The following RGPD2 variants were observed in gnomAD, a reference collection of about 807,000 sequenced individuals.
RGPD2 encodes the protein RANBP2 like and GRIP domain containing 2.
RGPD2 carries 2 observed loss-of-function variants against 36.0 expected under a neutral mutation model. The observed-to-expected ratio is 0.06, with a 90% CI of 0.02 to 0.17. RGPD2 has a LOEUF of 0.17. Among genes scored for constraint, RGPD2 ranks in the 10% least tolerant of loss-of-function variants. The probability of loss-of-function intolerance (pLI) is 1.00; values close to 1 mark genes in which losing one functional copy is unlikely to be tolerated. For missense variants in RGPD2, 40 were observed against 464.3 expected (o/e 0.09, Z 8.40); for synonymous variants, 19 against 163.8 (o/e 0.12, Z 6.75).
chr2:87,892,361 T>C, the RGPD2 span, among the ~76,000 whole-genome samples: 2 of 151,944 alleles, frequency 1.3e-5, no homozygotes, highest in Non-Finnish European at 2.9e-5. Context: ...CCTGGACTGG[T>C]AGTGCCCTGG....
the RGPD2 span, among the ~76,000 whole-genome samples, chr2:87,836,210 T>C: frequency 7.2e-6 from 1 of 138,484 alleles, no homozygotes; most frequent in Non-Finnish European, 1.6e-5. Flanking sequence ...AGAAAAAATA[T>C]TAGTGGGAAC....
the RGPD2 span, among the ~76,000 whole-genome samples, chr2:87,872,297 A>T: frequency 1.3e-5 from 2 of 152,190 alleles, no homozygotes; most frequent in Admixed American, 1.3e-4. Context: ...TAATTAGAAG[A>T]TGTGTTAGGA....
intron 1 of RGPD2, among the ~76,000 whole-genome samples, 160 bp downstream of exon 1, chr2:87,825,493 CGGCCG>C (rs1686717874): frequency 2.9e-5 from 2 of 69,108 alleles, no homozygotes; most frequent in South Asian, 5.7e-4. Flanking sequence ...CGCCGCCGCC[CGGCCG>C]AGGCCGAGGC....
At chr2:87,988,524 A>AATAT in the RGPD2 span, among the ~76,000 whole-genome samples, 167 of 42,850 alleles carry the variant, frequency 3.9e-3, 5 homozygotes, top group African/African-American at 7.4e-3. Flanking sequence ...TATACATATA[A>AATAT]ATATATATAT....
At chr2:87,827,383 G>A (rs565865818), upstream of RGPD2, among the ~76,000 whole-genome samples, 40 of 151,774 alleles carry the variant, frequency 2.6e-4, no homozygotes, top group African/African-American at 9.4e-4. Flanking sequence ...GATAACCTGG[G>A]TTCAAATTCC....
the RGPD2 span, among the ~76,000 whole-genome samples, chr2:87,947,013 CT>C: frequency 1.7e-3 from 201 of 120,034 alleles, no homozygotes; most frequent in African/African-American, 6.5e-3. Context: ...TTGCAATGAA[CT>C]TTCTTCATTT....
At chr2:87,935,311 T>A in the RGPD2 span, among the ~76,000 whole-genome samples, 1 of 150,870 alleles carries the variant, frequency 6.6e-6, no homozygotes, top group Non-Finnish European at 1.5e-5. Context: ...AAGAGAGTAT[T>A]CCATGAAAAA....
the RGPD2 span, among the ~76,000 whole-genome samples, chr2:87,887,072 TTAAG>T: frequency 6.6e-6 from 1 of 151,864 alleles, no homozygotes; most frequent in Non-Finnish European, 1.5e-5. Context: ...TGCATATTCT[TTAAG>T]TGTCAGTCAA....
the RGPD2 span, chr2:87,968,757 G>C: frequency 4.6e-6 from 1 of 218,142 alleles, no homozygotes; most frequent in Non-Finnish European, 9.1e-6. Context: ...AACTGCCGAG[G>C]GCTCATCGAA....
intron 22 of RGPD2, chr2:87,771,438 G>A (rs1442892469): frequency 8.6e-4 from 30 of 34,786 alleles, no homozygotes; most frequent in African/African-American, 3.0e-3. Context: ...TCGCTCTGCC[G>A]TCAGGCTGGA....
At chr2:87,863,765 C>G in the RGPD2 span, among the ~76,000 whole-genome samples, 1 of 151,768 alleles carries the variant, frequency 6.6e-6, no homozygotes, top group Non-Finnish European at 1.5e-5. Context: ...TTTATTTTCT[C>G]TGTTATTCTA....
At chr2:87,939,461 A>G in the RGPD2 span, among the ~76,000 whole-genome samples, 1 of 152,084 alleles carries the variant, frequency 6.6e-6, no homozygotes, top group African/African-American at 2.4e-5. Flanking sequence ...TGTGAACACT[A>G]TCAGGGTCAC....
the RGPD2 span, among the ~76,000 whole-genome samples, chr2:87,882,204 T>C: frequency 1.3e-5 from 2 of 152,174 alleles, no homozygotes; most frequent in East Asian, 1.9e-4. Flanking sequence ...TTTTTTTTTC[T>C]GTTTTACTCT....
chr2:87,989,235 AT>A, the RGPD2 span: 1 of 261,036 alleles, frequency 3.8e-6, no homozygotes, highest in Non-Finnish European at 6.9e-6. Context: ...TGTCTTAAAA[AT>A]AGCTGGTACA....
chr2:87,878,302 T>C, the RGPD2 span, among the ~76,000 whole-genome samples: 1 of 136,374 alleles, frequency 7.3e-6, no homozygotes, highest in Non-Finnish European at 1.6e-5. Flanking sequence ...ATTCTTTCCT[T>C]TGCTTGGCCT....
chr2:87,875,127 T>C, the RGPD2 span, among the ~76,000 whole-genome samples: 1 of 152,180 alleles, frequency 6.6e-6, no homozygotes, highest in African/African-American at 2.4e-5. Flanking sequence ...TAAGGTTTTC[T>C]AGATGTAGGA....
the RGPD2 span, among the ~76,000 whole-genome samples, chr2:87,922,914 T>C: frequency 6.6e-6 from 1 of 152,172 alleles, no homozygotes; most frequent in Non-Finnish European, 1.5e-5. Flanking sequence ...ATCAATAATG[T>C]ATGCTGTTGT....
At chr2:87,813,196 A>T (rs1427188426) in intron 4 of RGPD2, among the ~76,000 whole-genome samples, 3 of 152,138 alleles carry the variant, frequency 2.0e-5, no homozygotes, top group African/African-American at 7.2e-5. Context: ...TATATCCATA[A>T]TTACTGTTTG....
At chr2:87,974,916 C>T in the RGPD2 span, among the ~76,000 whole-genome samples, 1 of 152,094 alleles carries the variant, frequency 6.6e-6, no homozygotes, top group African/African-American at 2.4e-5. Context: ...TACTCATTTA[C>T]CATATACCAT....
Sources: gnomAD v4.1 joint callset for allele counts (sites outside exome capture counted in the v4.1 genomes callset) on GRCh38, gnomAD v4.1.1 for gene constraint, MANE v1.5 for transcripts, NCBI Gene and HGNC (gene_info 2026-07-23, HGNC 2026-07-21) for gene names.